The following ADCY2 variants were observed in gnomAD, a reference collection of about 807,000 sequenced individuals.
The protein encoded by ADCY2 is adenylate cyclase 2, also known as adenylate cyclase type 2.
A neutral mutation model predicts 125.2 loss-of-function variants in ADCY2; 31 were observed. That is an observed-to-expected ratio of 0.25 (90% CI 0.19 to 0.33). The LOEUF is 0.33. Among genes scored for constraint, ADCY2 ranks in the 10% least tolerant of loss-of-function variants. The probability of loss-of-function intolerance (pLI) is 1.00; values close to 1 mark genes in which losing one functional copy is unlikely to be tolerated. For missense variants in ADCY2, 904 were observed against 1,418.2 expected, an observed-to-expected ratio of 0.64 and a Z score of 5.82; for synonymous variants, 512 against 548.4, an observed-to-expected ratio of 0.93 and a Z score of 0.93.
chr5:7,772,073 T>G (rs1004951888), intron 17 of ADCY2, among the ~76,000 whole-genome samples: 8 of 152,180 alleles, frequency 5.3e-5, no homozygotes, highest in African/African-American at 9.7e-5. Flanking sequence ...ATCTCTGTTG[T>G]TTTCAATGAC....
At chr5:7,519,381 G>A (rs750046738) in intron 2 of ADCY2, among the ~76,000 whole-genome samples, 2 of 152,160 alleles carry the variant, frequency 1.3e-5, no homozygotes, top group Admixed American at 6.5e-5. Context: ...CAGCGCTTGA[G>A]CGTCCCCTTC....
intron 14 of ADCY2, among the ~76,000 whole-genome samples, chr5:7,733,875 A>G (rs1742174912): frequency 6.6e-6 from 1 of 152,222 alleles, no homozygotes; most frequent in South Asian, 2.1e-4. Flanking sequence ...CCCACATCTC[A>G]GAACCTTCAA....
At chr5:7,419,507 C>T (rs1028636633) in intron 2 of ADCY2, among the ~76,000 whole-genome samples, 5 of 152,176 alleles carry the variant, frequency 3.3e-5, no homozygotes, top group African/African-American at 1.2e-4. Context: ...TCCACTGGGG[C>T]TCAATCACGT....
intron 17 of ADCY2, 142 bp from the exon 18 acceptor site, chr5:7,772,790 A>G: frequency 1.4e-6 from 1 of 706,176 alleles, no homozygotes; most frequent in Non-Finnish European, 2.3e-6. Flanking sequence ...CCACTGGATC[A>G]AAGATGAGAA....
intron 2 of ADCY2, among the ~76,000 whole-genome samples, chr5:7,424,500 G>A (rs926973207): frequency 3.9e-5 from 6 of 152,226 alleles, no homozygotes; most frequent in African/African-American, 7.2e-5. Flanking sequence ...TCCCCCTCCT[G>A]TTGTGCCCTG....
At chr5:7,702,864 T>C (rs1741135704) in intron 7 of ADCY2, among the ~76,000 whole-genome samples, 1 of 152,230 alleles carries the variant, frequency 6.6e-6, no homozygotes, top group Admixed American at 6.5e-5. Context: ...AGTGTTCCTA[T>C]TTCTCCACGT....
intron 4 of ADCY2, among the ~76,000 whole-genome samples, chr5:7,689,653 A>G (rs1335285514): frequency 1.3e-5 from 2 of 151,990 alleles, no homozygotes; most frequent in African/African-American, 4.8e-5. Flanking sequence ...TAGACACCTG[A>G]CCCTGTGAAC....
At chr5:7,735,909 A>G (rs926664190) in intron 14 of ADCY2, among the ~76,000 whole-genome samples, 1 of 152,186 alleles carries the variant, frequency 6.6e-6, no homozygotes, top group Non-Finnish European at 1.5e-5. Flanking sequence ...CTTCTTTCAA[A>G]GTTTTGGGCC....
chr5:7,606,024 G>A (rs916022875), intron 3 of ADCY2, among the ~76,000 whole-genome samples: 4 of 144,752 alleles, frequency 2.8e-5, no homozygotes, highest in Admixed American at 7.0e-5. Flanking sequence ...AGCATGAAGG[G>A]TTGTTGAATT....
At chr5:7,527,359 T>C (rs1466631191) in intron 3 of ADCY2, among the ~76,000 whole-genome samples, 1 of 152,260 alleles carries the variant, frequency 6.6e-6, no homozygotes, top group Non-Finnish European at 1.5e-5. Context: ...TTAGTATCAC[T>C]GTTGGCATAA....
chr5:7,587,192 C>T lies in ADCY2; in HGVS notation c.571-38975C>T, dbSNP rs74487041. On this transcript the variant is annotated intron_variant, in intron 3 of 24. Coordinates refer to ENST00000338316, the MANE Select transcript of ADCY2 (RefSeq NM_020546.3). ...CCATCACTCGCAGGACTAACTTCAA[C>T]TCATCCCTTGGGACTTAACTCAGGG... 3.1e-3 allele frequency among the ~76,000 whole-genome samples: 467 copies of T among 152,228 alleles called. 3 individuals are homozygous for T. The highest frequency in any genetic ancestry group is 0.011 in the African/African-American group (452 of 41,532).
chr5:7,682,056 G>A (rs991710100), intron 4 of ADCY2, among the ~76,000 whole-genome samples: 1 of 152,106 alleles, frequency 6.6e-6, no homozygotes, highest in African/African-American at 2.4e-5. Flanking sequence ...AACCTATTTG[G>A]TCTCCAATTT....
intron 3 of ADCY2, among the ~76,000 whole-genome samples, chr5:7,558,488 C>T (rs13181315): frequency 0.37 from 56,343 of 151,912 alleles, 11,168 homozygotes; most frequent in African/African-American, 0.42. Flanking sequence ...TATCTTCTTT[C>T]GAAAAGGGTA....
intron 7 of ADCY2, among the ~76,000 whole-genome samples, chr5:7,700,978 ACT>A (rs1741058770): frequency 6.6e-6 from 1 of 152,054 alleles, no homozygotes; most frequent in Non-Finnish European, 1.5e-5. Flanking sequence ...AATCATATGT[ACT>A]CTCTGATACA....
At chr5:7,724,662 T>G in intron 13 of ADCY2, 48 bp downstream of exon 13, 1 of 1,361,160 alleles carries the variant, frequency 7.3e-7, no homozygotes, top group Non-Finnish European at 1.0e-6. Flanking sequence ...TTCTGAAATT[T>G]GAATTTCTTC....
chr5:7,694,523 T>A (rs1410756425), intron 5 of ADCY2, among the ~76,000 whole-genome samples: 2 of 152,222 alleles, frequency 1.3e-5, no homozygotes, highest in Non-Finnish European at 2.9e-5. Context: ...CTCATATATG[T>A]AGAATCATAC....
Position 7,586,730 on chromosome 5 carries a change from G to A in ADCY2, c.571-39437G>A, listed in dbSNP as rs534072446. 7.2e-5 allele frequency among the ~76,000 whole-genome samples: 11 copies of A among 152,216 alleles called. No individual in the cohort carries two copies. In the South Asian group the frequency reaches 2.3e-3, roughly 32 times the overall value. On this transcript the variant is annotated intron_variant, in intron 3 of 24. Coordinates refer to ENST00000338316, the MANE Select transcript of ADCY2 (RefSeq NM_020546.3). ...GCTGAGAAAGGCCTGCAGCTGGGTG[G>A]CGGTGTAAGTGTGTGGACTGTGATA...
intron 3 of ADCY2, among the ~76,000 whole-genome samples, chr5:7,576,027 A>G (rs1156761680): frequency 1.3e-5 from 2 of 152,170 alleles, no homozygotes; most frequent in Non-Finnish European, 2.9e-5. Flanking sequence ...ATTTAGACTG[A>G]AATATTTTGA....
intron 2 of ADCY2, among the ~76,000 whole-genome samples, chr5:7,442,012 A>G (rs1489679927): frequency 6.6e-6 from 1 of 152,110 alleles, no homozygotes; most frequent in Non-Finnish European, 1.5e-5. Flanking sequence ...TATAGGTCCT[A>G]TTGATTCTAT....
Sources: allele counts gnomAD v4.1 joint callset (sites outside exome capture counted in the v4.1 genomes callset), GRCh38; gene constraint gnomAD v4.1.1; transcripts MANE v1.5; gene names NCBI Gene and HGNC (gene_info 2026-07-23, HGNC 2026-07-21).